The following GABRB3 variants were observed in gnomAD, a reference collection of about 807,000 sequenced individuals.
GABRB3 encodes the protein gamma-aminobutyric acid receptor subunit beta-3.
In GABRB3, 14 loss-of-function variants were observed where a neutral mutation model predicts 52.1. The observed-to-expected ratio is 0.27, with a 90% CI of 0.18 to 0.42. The LOEUF (loss-of-function observed/expected upper bound fraction) is 0.42, where lower values mean the gene tolerates loss of function less well. Ranked by LOEUF, GABRB3 falls within the 10% of genes least tolerant of loss-of-function variation. The pLI, the probability that GABRB3 is intolerant of heterozygous loss-of-function variation, is 1.00. For synonymous variants in GABRB3, 260 were observed against 232.3 expected (o/e 1.12, Z -1.08); for missense variants, 307 against 609.1 (o/e 0.50, Z 5.22).
At chr15:26,754,932 A>G (rs944288242) in intron 3 of GABRB3, among the ~76,000 whole-genome samples, 2 of 152,058 alleles carry the variant, frequency 1.3e-5, no homozygotes, top group Middle Eastern at 3.4e-3. Flanking sequence ...ACAGGATTAA[A>G]CGGAGATTTA....
intron 4 of GABRB3, 131 bp from the exon 5 acceptor site, chr15:26,583,545 T>C (rs951869230): frequency 2.4e-5 from 17 of 704,928 alleles, no homozygotes; most frequent in Non-Finnish European, 3.6e-5. Flanking sequence ...CATCATTCAC[T>C]ATATATAGAG....
At chr15:26,591,275 T>C (rs969679865) in intron 4 of GABRB3, among the ~76,000 whole-genome samples, 6 of 152,194 alleles carry the variant, frequency 3.9e-5, no homozygotes, top group African/African-American at 1.4e-4. Context: ...CACAAGTAAC[T>C]GCAAACATAC....
At chr15:26,663,981 A>G (rs1010763093) in intron 3 of GABRB3, among the ~76,000 whole-genome samples, 2 of 152,248 alleles carry the variant, frequency 1.3e-5, no homozygotes, top group Non-Finnish European at 2.9e-5. Flanking sequence ...CAAAATTTAA[A>G]AACTTGTCCT....
intron 3 of GABRB3, among the ~76,000 whole-genome samples, chr15:26,632,724 C>A (rs1892944552): frequency 6.6e-6 from 1 of 152,126 alleles, no homozygotes; most frequent in African/African-American, 2.4e-5. Flanking sequence ...CTGGGTGACA[C>A]CCTTGCCATG....
At chr15:26,630,412 G>C (rs1468609711) in intron 3 of GABRB3, among the ~76,000 whole-genome samples, 1 of 152,224 alleles carries the variant, frequency 6.6e-6, no homozygotes, top group East Asian at 1.9e-4. Flanking sequence ...GAACTCTCTG[G>C]AGTATGCTCT....
chr15:26,770,973 C>A (rs72708065), intron 3 of GABRB3, among the ~76,000 whole-genome samples: 14,587 of 152,130 alleles, frequency 0.096, 979 homozygotes, highest in Non-Finnish European at 0.14. Flanking sequence ...TTTACTGATA[C>A]AATATTTGAC....
At chr15:26,766,991 C>T (rs2057972418) in intron 3 of GABRB3, among the ~76,000 whole-genome samples, 1 of 152,136 alleles carries the variant, frequency 6.6e-6, no homozygotes, top group South Asian at 2.1e-4. Context: ...TAAACACAAG[C>T]CTCTCTTACT....
chr15:26,598,977 T>C (rs1460570212), intron 4 of GABRB3, among the ~76,000 whole-genome samples: 1 of 152,168 alleles, frequency 6.6e-6, no homozygotes, highest in Non-Finnish European at 1.5e-5. Context: ...CCTCAGGGCC[T>C]ACCCAATGAC....
intron 3 of GABRB3, among the ~76,000 whole-genome samples, chr15:26,759,506 G>A (rs1316117654): frequency 6.6e-6 from 1 of 152,098 alleles, no homozygotes; most frequent in East Asian, 1.9e-4. Context: ...TGATCCACCC[G>A]CCTCGGCCTC....
At chr15:26,567,946 G>C (rs1432827063) in intron 6 of GABRB3, among the ~76,000 whole-genome samples, 1 of 152,226 alleles carries the variant, frequency 6.6e-6, no homozygotes, top group African/African-American at 2.4e-5. Context: ...TAGTGATGAG[G>C]ATGCTCTTCT....
chr15:26,756,302 G>A (rs1890658062), intron 3 of GABRB3, among the ~76,000 whole-genome samples: 1 of 151,950 alleles, frequency 6.6e-6, no homozygotes, highest in Non-Finnish European at 1.5e-5. Flanking sequence ...GGGCATGGTG[G>A]CTCACACCTG....
intron 4 of GABRB3, among the ~76,000 whole-genome samples, chr15:26,594,364 T>C (rs1873424280): frequency 6.6e-6 from 1 of 152,158 alleles, no homozygotes; most frequent in Admixed American, 6.5e-5. Flanking sequence ...GATTTGCTGC[T>C]TTTAACTTTA....
intron 3 of GABRB3, among the ~76,000 whole-genome samples, chr15:26,675,129 T>C (rs927602443): frequency 6.6e-6 from 1 of 152,194 alleles, no homozygotes; most frequent in East Asian, 1.9e-4. Flanking sequence ...TAAATTACAC[T>C]CGAGAGCTCT....
chr15:26,712,533 A>G (rs1889332046), intron 3 of GABRB3, among the ~76,000 whole-genome samples: 1 of 152,118 alleles, frequency 6.6e-6, no homozygotes, highest in South Asian at 2.1e-4. Context: ...TCTGACGAAC[A>G]AGGACTAGAG....
intron 3 of GABRB3, chr15:26,628,968 G>A (rs1385768385): frequency 3.9e-6 from 6 of 1,536,036 alleles, no homozygotes; most frequent in Admixed American, 2.0e-5. Flanking sequence ...CCGCGTCCCC[G>A]ACTTTTACCT....
At chr15:26,739,452 C>G (rs544713795) in intron 3 of GABRB3, among the ~76,000 whole-genome samples, 2 of 152,138 alleles carry the variant, frequency 1.3e-5, no homozygotes, top group Admixed American at 1.3e-4. Context: ...TGCTGGGAAA[C>G]AGAAATCTAT....
chr15:26,715,350 CCTCT>C (rs891731035), intron 3 of GABRB3, among the ~76,000 whole-genome samples: 7 of 152,138 alleles, frequency 4.6e-5, no homozygotes, highest in Non-Finnish European at 8.8e-5. Flanking sequence ...TCCTCAGAAG[CCTCT>C]CTAAGAACTG....
intron 4 of GABRB3, among the ~76,000 whole-genome samples, chr15:26,584,654 C>T (rs1355332401): frequency 6.6e-6 from 1 of 152,242 alleles, no homozygotes; most frequent in African/African-American, 2.4e-5. Context: ...CAACCCTACA[C>T]TGAGAAACAA....
Position 26,770,900 on chromosome 15 carries a change from T to TAAC in GABRB3, c.240+1501_240+1502insGTT, listed in dbSNP as rs544501320. 2.0e-3 allele frequency among the ~76,000 whole-genome samples: 303 copies of TAAC among 152,346 alleles called. 1 individual carries two copies. The highest frequency in any genetic ancestry group is 6.4e-3 in the African/African-American group (266 of 41,584). On this transcript the variant is annotated intron_variant, in intron 3 of 8. Transcript: ENST00000311550. ...TATTACATAAAAAGTAAAATAGACATGTTAATTTTTACTGTAAGGTAATTT... is the reference window on the plus strand; with the variant it reads ...TATTACATAAAAAGTAAAATAGACATAACGTTAATTTTTACTGTAAGGTAATTT...
Sources: gnomAD v4.1 joint callset for allele counts (sites outside exome capture counted in the v4.1 genomes callset) on GRCh38, gnomAD v4.1.1 for gene constraint, MANE v1.5 for transcripts, NCBI Gene and HGNC (gene_info 2026-07-23, HGNC 2026-07-21) for gene names.